POLR3B: variants seen among roughly 807,000 people sequenced by gnomAD.
The protein encoded by POLR3B is DNA-directed RNA polymerase III subunit RPC2.
POLR3B carries 96 observed loss-of-function variants against 147.4 expected under a neutral mutation model. That is an observed-to-expected ratio of 0.65 (90% CI 0.55 to 0.77). The LOEUF is 0.77. Ranked by LOEUF, POLR3B falls within the 30% of genes least tolerant of loss-of-function variation. POLR3B has a pLI of 0.00. For synonymous variants in POLR3B, 461 were observed against 485.9 expected (o/e 0.95, Z 0.67); for missense variants, 1,036 against 1,413.5 (o/e 0.73, Z 4.28).
intron 23 of POLR3B, among the ~76,000 whole-genome samples, chr12:106,481,277 C>G (rs2038264282): frequency 6.6e-6 from 1 of 152,126 alleles, no homozygotes. Flanking sequence ...GGTGCCAGTT[C>G]AGAAGCTATG....
At chr12:106,500,706 A>G (rs1432354320) in intron 25 of POLR3B, among the ~76,000 whole-genome samples, 1 of 152,182 alleles carries the variant, frequency 6.6e-6, no homozygotes, top group Non-Finnish European at 1.5e-5. Flanking sequence ...AGGCCCCAAG[A>G]GAGGAACAGG....
intron 17 of POLR3B, 95 bp downstream of exon 17, chr12:106,437,226 C>T: frequency 1.1e-6 from 1 of 926,552 alleles, no homozygotes; most frequent in Non-Finnish European, 1.7e-6. Context: ...TAATTTCTTT[C>T]CACCAAATTA....
At chr12:106,471,506 G>A (rs2038091765) in intron 23 of POLR3B, among the ~76,000 whole-genome samples, 1 of 151,978 alleles carries the variant, frequency 6.6e-6, no homozygotes, top group Admixed American at 6.6e-5. Context: ...GATGAACCAG[G>A]TACCTCAGTT....
chr12:106,503,702 A>G (rs2038638754), intron 26 of POLR3B, among the ~76,000 whole-genome samples: 1 of 152,214 alleles, frequency 6.6e-6, no homozygotes, highest in Non-Finnish European at 1.5e-5. Flanking sequence ...ACTCTTTGAA[A>G]ATACTTAAAG....
chr12:106,368,196 A>C (rs2036557866), intron 4 of POLR3B, among the ~76,000 whole-genome samples: 1 of 149,008 alleles, frequency 6.7e-6, no homozygotes, highest in South Asian at 2.2e-4. Context: ...GCTTTCTTGG[A>C]CCGTAAGATA....
intron 18 of POLR3B, among the ~76,000 whole-genome samples, chr12:106,438,802 T>G (rs972674618): frequency 6.6e-6 from 1 of 152,088 alleles, no homozygotes; most frequent in Non-Finnish European, 1.5e-5. Flanking sequence ...TGAATTCTTG[T>G]CAGTGCAGGA....
At chr12:106,462,972 G>A (rs1045855471) in intron 22 of POLR3B, among the ~76,000 whole-genome samples, 4 of 151,878 alleles carry the variant, frequency 2.6e-5, no homozygotes, top group Non-Finnish European at 5.9e-5. Flanking sequence ...ATTGGATTGT[G>A]AGCTCCTTTG....
At chr12:106,436,771 C>G (rs776906133) in intron 16 of POLR3B, among the ~76,000 whole-genome samples, 1 of 152,072 alleles carries the variant, frequency 6.6e-6, no homozygotes, top group South Asian at 2.1e-4. Context: ...CATTCAAAAC[C>G]AAATGTTTCC....
chr12:106,412,528 C>G (rs927819660), intron 12 of POLR3B, among the ~76,000 whole-genome samples: 1 of 152,212 alleles, frequency 6.6e-6, no homozygotes, highest in Non-Finnish European at 1.5e-5. Flanking sequence ...GAAACTCACT[C>G]AGAACCATTT....
At position 106,434,840 on chromosome 12, in the gene POLR3B, C is replaced by G. The variant is rs539852924; in HGVS notation, c.1781+968C>G. Among the ~76,000 whole-genome samples, 4 of 152,180 alleles carry G rather than the reference C, an allele frequency of 2.6e-5. No homozygotes were observed. In the East Asian group the frequency reaches 7.7e-4, roughly 29 times the overall value. On this transcript the variant is annotated intron_variant, in intron 16 of 27. Coordinates refer to ENST00000228347, the MANE Select transcript of POLR3B (RefSeq NM_018082.6). The stretch of plus-strand genomic sequence containing the variant: ...CATTTTCTTTTGAGGACTGCCTGTC[C>G]CCATTGGCAGGCTTCTTGGGATGGT...
chr12:106,492,488 A>G (rs1185001097), intron 23 of POLR3B, among the ~76,000 whole-genome samples: 1 of 152,186 alleles, frequency 6.6e-6, no homozygotes, highest in Non-Finnish European at 1.5e-5. Flanking sequence ...GTGAGCCATG[A>G]TTGTGCCACT....
At position 106,393,291 on chromosome 12, in the gene POLR3B, G is replaced by C; in HGVS notation, c.846+138G>C. On this transcript the variant is annotated intron_variant, in intron 10 of 27. Coordinates refer to ENST00000228347, the MANE Select transcript of POLR3B (RefSeq NM_018082.6). ...ATTGGGGAGATATGGGAGGAGTGAAGTTTCTTTAACTCACTTTCGTCAGGT... is the reference window on the plus strand; with the variant it reads ...ATTGGGGAGATATGGGAGGAGTGAACTTTCTTTAACTCACTTTCGTCAGGT... 4 of 1,295,776 alleles carry C rather than the reference G, an allele frequency of 3.1e-6. No individual in the cohort carries two copies. In the Admixed American group the frequency reaches 6.9e-5, roughly 22 times the overall value. The allele number at this position is 1,295,776 out of a possible 1,614,324, so 80.3% of individuals were successfully genotyped here. A position where few individuals can be genotyped will look rare whatever the true frequency, so the allele number is the denominator to read the frequency against.
intron 10 of POLR3B, among the ~76,000 whole-genome samples, chr12:106,401,323 C>G (rs916055251): frequency 2.0e-5 from 3 of 152,066 alleles, no homozygotes; most frequent in Non-Finnish European, 4.4e-5. Context: ...GAAATTGAGG[C>G]AATAATCAAT....
intron 23 of POLR3B, among the ~76,000 whole-genome samples, chr12:106,494,245 A>G (rs968953143): frequency 6.6e-6 from 1 of 152,142 alleles, no homozygotes; most frequent in Non-Finnish European, 1.5e-5. Context: ...CTCTCTCCTT[A>G]CCCACCCCCA....
chr12:106,384,534 A>T (rs930173695), intron 9 of POLR3B, among the ~76,000 whole-genome samples: 8 of 152,200 alleles, frequency 5.3e-5, no homozygotes, highest in African/African-American at 1.9e-4. Flanking sequence ...CCCAGCTGAG[A>T]TTGAACAAGG....
At position 106,404,267 on chromosome 12, in the gene POLR3B, A is replaced by G. The variant is rs544171632; in HGVS notation, c.847-1590A>G. ...CACGATGCCCGGCTAATCTTTTTGT[A>G]TTTTTAGTAGAGACGGAGTTTCGCC... On this transcript the variant is annotated intron_variant, in intron 10 of 27. Coordinates refer to ENST00000228347, the MANE Select transcript of POLR3B (RefSeq NM_018082.6). 3.3e-5 allele frequency among the ~76,000 whole-genome samples: 5 copies of G among 151,784 alleles called. No individual in the cohort carries two copies. In the South Asian group the frequency reaches 1.0e-3, roughly 32 times the overall value.
intron 23 of POLR3B, among the ~76,000 whole-genome samples, chr12:106,470,510 G>T (rs1186098692): frequency 2.0e-5 from 3 of 152,140 alleles, no homozygotes; most frequent in Non-Finnish European, 4.4e-5. Context: ...AAGGAGTTGT[G>T]TTCCTTTGGA....
intron 1 of POLR3B, chr12:106,358,159 T>C: frequency 6.9e-7 from 1 of 1,445,260 alleles, no homozygotes; most frequent in Non-Finnish European, 9.0e-7. Flanking sequence ...AGAGGAGCTG[T>C]CAGCCGCTGC....
chr12:106,498,342 A>G (rs964443334), intron 25 of POLR3B, among the ~76,000 whole-genome samples: 4 of 152,230 alleles, frequency 2.6e-5, no homozygotes, highest in Non-Finnish European at 4.4e-5. Flanking sequence ...AAGAAGAGCC[A>G]GGCGACCAGG....
Sources: allele counts gnomAD v4.1 joint callset (sites outside exome capture counted in the v4.1 genomes callset), GRCh38; gene constraint gnomAD v4.1.1; transcripts MANE v1.5; gene names NCBI Gene and HGNC (gene_info 2026-07-23, HGNC 2026-07-21).